Variants in BCAT1 observed in about 807,000 individuals in gnomAD.
BCAT1 encodes the protein branched chain amino acid transaminase 1.
BCAT1 carries 48 observed loss-of-function variants against 52.4 expected under a neutral mutation model. That is an observed-to-expected ratio of 0.92 (90% CI 0.73 to 1.16). The LOEUF (loss-of-function observed/expected upper bound fraction) is 1.16, where lower values mean the gene tolerates loss of function less well. BCAT1 is among the 50% of genes most tolerant of loss of function. The probability of loss-of-function intolerance (pLI) is 0.00; values close to 1 mark genes in which losing one functional copy is unlikely to be tolerated. For missense variants in BCAT1, 451 were observed against 457.1 expected (o/e 0.99, Z 0.12); for synonymous variants, 167 against 161.3 (o/e 1.04, Z -0.27).
intron 1 of BCAT1, among the ~76,000 whole-genome samples, chr12:24,923,734 A>G (rs1479524366): frequency 6.6e-6 from 1 of 152,162 alleles, no homozygotes; most frequent in African/African-American, 2.4e-5. Context: ...TTATGCTCAA[A>G]TCAGAGAGAA....
chr12:24,894,220 TA>T, intron 3 of BCAT1, 54 bp downstream of exon 3: 2 of 1,551,020 alleles, frequency 1.3e-6, no homozygotes, highest in Non-Finnish European at 1.8e-6. Context: ...AGAAGCTACT[TA>T]GTACCCACAG....
chr12:24,851,220 A>G (rs1429209172), intron 5 of BCAT1, among the ~76,000 whole-genome samples: 1 of 152,204 alleles, frequency 6.6e-6, no homozygotes, highest in East Asian at 1.9e-4. Flanking sequence ...CTTGTGTCCA[A>G]TCTTCACTAG....
intron 5 of BCAT1, among the ~76,000 whole-genome samples, chr12:24,868,196 C>T (rs1180146891): frequency 6.6e-6 from 1 of 152,170 alleles, no homozygotes; most frequent in Non-Finnish European, 1.5e-5. Context: ...TCAGGATGAT[C>T]AGGGAAGTAC....
At chr12:24,895,940 C>T (rs938690218) in intron 2 of BCAT1, among the ~76,000 whole-genome samples, 2 of 152,202 alleles carry the variant, frequency 1.3e-5, no homozygotes, top group African/African-American at 4.8e-5. Context: ...TCAGGCTAGT[C>T]TAGTAATGCT....
intron 3 of BCAT1, among the ~76,000 whole-genome samples, chr12:24,893,515 G>A (rs2139649738): frequency 1.3e-5 from 2 of 152,252 alleles, no homozygotes; most frequent in Middle Eastern, 3.4e-3. Flanking sequence ...AATTAAATGA[G>A]ATGATTCATA....
At chr12:24,821,129 G>T (rs183485123) in intron 10 of BCAT1, among the ~76,000 whole-genome samples, 4 of 152,180 alleles carry the variant, frequency 2.6e-5, no homozygotes, top group East Asian at 3.9e-4. Flanking sequence ...GGTAGGGAAG[G>T]GGGTGGAGCC....
At chr12:24,907,705 A>G (rs1044537823) in intron 1 of BCAT1, among the ~76,000 whole-genome samples, 5 of 152,026 alleles carry the variant, frequency 3.3e-5, no homozygotes, top group South Asian at 2.1e-4. Context: ...CCCTGCCCTT[A>G]AGGTACTTTG....
intron 1 of BCAT1, among the ~76,000 whole-genome samples, chr12:24,922,079 C>G (rs1943506879): frequency 6.6e-6 from 1 of 152,146 alleles, no homozygotes; most frequent in African/African-American, 2.4e-5. Flanking sequence ...AATGAATAAT[C>G]AAAGATTTGA....
intron 5 of BCAT1, among the ~76,000 whole-genome samples, chr12:24,856,270 C>T (rs1022883794): frequency 7.2e-5 from 11 of 152,176 alleles, no homozygotes; most frequent in African/African-American, 1.4e-4. Context: ...ACACACCCCA[C>T]GCTCAAACCA....
intron 1 of BCAT1, among the ~76,000 whole-genome samples, chr12:24,926,410 T>C (rs916394333): frequency 3.3e-5 from 5 of 151,948 alleles, no homozygotes; most frequent in Admixed American, 3.3e-4. Context: ...CCACCCCTTC[T>C]GGGAAGTGAG....
chr12:24,932,796 C>G (rs72640138), intron 1 of BCAT1, among the ~76,000 whole-genome samples: 24,360 of 150,982 alleles, frequency 0.16, 2,666 homozygotes, highest in South Asian at 0.38. Context: ...GCCACCATGC[C>G]TGGTTAATTT....
chr12:24,922,150 C>A (rs1040217860), intron 1 of BCAT1, among the ~76,000 whole-genome samples: 1 of 152,162 alleles, frequency 6.6e-6, no homozygotes, highest in South Asian at 2.1e-4. Flanking sequence ...CACACGCAAA[C>A]ACAAGATTGT....
intron 4 of BCAT1, among the ~76,000 whole-genome samples, chr12:24,879,406 G>T (rs187187268): frequency 9.7e-4 from 148 of 152,254 alleles, no homozygotes; most frequent in Non-Finnish European, 1.3e-3. Context: ...TACTAGATGG[G>T]TGATACTTCA....
At chr12:24,848,968 C>T (rs1027622009) in intron 6 of BCAT1, among the ~76,000 whole-genome samples, 5 of 152,152 alleles carry the variant, frequency 3.3e-5, no homozygotes, top group Admixed American at 3.3e-4. Flanking sequence ...TCTAATACCC[C>T]AGCAGCACGT....
chr12:24,891,312 T>A (rs1942831387), intron 3 of BCAT1, among the ~76,000 whole-genome samples: 1 of 152,118 alleles, frequency 6.6e-6, no homozygotes, highest in African/African-American at 2.4e-5. Context: ...TCATCCTCAC[T>A]GTTCATTATA....
At chr12:24,836,960 AGAAAG>A (rs1940987530) in intron 7 of BCAT1, among the ~76,000 whole-genome samples, 1 of 62,622 alleles carries the variant, frequency 1.6e-5, no homozygotes, top group Non-Finnish European at 4.3e-5. Flanking sequence ...GAAAGAAAAG[AGAAAG>A]AAAGAAAGAG....
chr12:24,835,996 T>C (rs1940906781), intron 8 of BCAT1, among the ~76,000 whole-genome samples: 1 of 152,188 alleles, frequency 6.6e-6, no homozygotes, highest in Non-Finnish European at 1.5e-5. Context: ...GGCATGTATA[T>C]GAATTTTGGA....
chr12:24,823,932 C>T (rs1046501763), intron 10 of BCAT1, among the ~76,000 whole-genome samples: 3 of 152,188 alleles, frequency 2.0e-5, no homozygotes, highest in African/African-American at 4.8e-5. Context: ...TAAAAATGCT[C>T]TTTCTGAGAA....
At chr12:24,897,093 C>T (rs1473777462) in intron 2 of BCAT1, among the ~76,000 whole-genome samples, 2 of 152,128 alleles carry the variant, frequency 1.3e-5, no homozygotes, top group Non-Finnish European at 2.9e-5. Context: ...CATTTGGAGC[C>T]ATATCAATAC....
Sources: allele counts gnomAD v4.1 joint callset (sites outside exome capture counted in the v4.1 genomes callset), GRCh38; gene constraint gnomAD v4.1.1; transcripts MANE v1.5; gene names NCBI Gene and HGNC (gene_info 2026-07-23, HGNC 2026-07-21).